Variants in CTNNA3 observed in about 807,000 individuals in gnomAD.
CTNNA3 encodes the protein catenin alpha 3, also known as catenin alpha-3.
In CTNNA3, 76 loss-of-function variants were observed where a neutral mutation model predicts 95.7. That is an observed-to-expected ratio of 0.79 (90% CI 0.66 to 0.96). CTNNA3 has a LOEUF of 0.96. Among genes scored for constraint, CTNNA3 ranks in the 40% least tolerant of loss-of-function variants. The probability of loss-of-function intolerance (pLI) is 0.00; values close to 1 mark genes in which losing one functional copy is unlikely to be tolerated. For synonymous variants in CTNNA3, 431 were observed against 374.4 expected (o/e 1.15, Z -1.74); for missense variants, 1,191 against 1,089.8 (o/e 1.09, Z -1.31).
At chr10:67,184,119 T>C (rs1166689721) in intron 6 of CTNNA3, among the ~76,000 whole-genome samples, 1 of 152,326 alleles carries the variant, frequency 6.6e-6, no homozygotes, top group Non-Finnish European at 1.5e-5. Flanking sequence ...TTCCTAAGCA[T>C]TTTTCTGCTA....
intron 13 of CTNNA3, among the ~76,000 whole-genome samples, chr10:66,189,617 T>TATATATATATATATATACAC (rs151078010): frequency 7.1e-5 from 10 of 140,362 alleles, no homozygotes; most frequent in African/African-American, 2.8e-4. Context: ...TATATATATA[T>TATATATATATATATATACAC]ACACACATAC....
At chr10:65,927,557 A>G (rs1160312337) in intron 17 of CTNNA3, among the ~76,000 whole-genome samples, 1 of 152,200 alleles carries the variant, frequency 6.6e-6, no homozygotes, top group East Asian at 1.9e-4. Context: ...ATTCTATGGT[A>G]TGTAATTTTT....
At chr10:66,148,699 C>T (rs2084025298) in intron 13 of CTNNA3, among the ~76,000 whole-genome samples, 1 of 141,710 alleles carries the variant, frequency 7.1e-6, no homozygotes, top group African/African-American at 2.7e-5. Context: ...ACTTCTCAGC[C>T]TCCAGGACTA....
intron 11 of CTNNA3, among the ~76,000 whole-genome samples, chr10:66,429,599 T>C (rs1299922191): frequency 6.6e-6 from 1 of 152,184 alleles, no homozygotes; most frequent in Non-Finnish European, 1.5e-5. Context: ...TGGTTCAACA[T>C]ACACAAATCA....
chr10:67,534,799 G>C (rs1258369756), intron 4 of CTNNA3, among the ~76,000 whole-genome samples: 1 of 152,126 alleles, frequency 6.6e-6, no homozygotes, highest in Non-Finnish European at 1.5e-5. Flanking sequence ...CTTGGAGACA[G>C]AGTTGACCCT....
chr10:67,326,135 G>A (rs1224143241), intron 5 of CTNNA3, among the ~76,000 whole-genome samples: 1 of 151,988 alleles, frequency 6.6e-6, no homozygotes, highest in Non-Finnish European at 1.5e-5. Flanking sequence ...CATGTGAGAT[G>A]GGTCTCTTGA....
intron 5 of CTNNA3, among the ~76,000 whole-genome samples, chr10:67,237,980 G>T (rs1029686182): frequency 6.6e-6 from 1 of 152,130 alleles, no homozygotes; most frequent in Non-Finnish European, 1.5e-5. Context: ...CAAATGGTAG[G>T]ATTTTGGTAT....
intron 12 of CTNNA3, among the ~76,000 whole-genome samples, chr10:66,343,842 A>G (rs551617859): frequency 2.6e-5 from 4 of 152,096 alleles, no homozygotes; most frequent in Non-Finnish European, 5.9e-5. Flanking sequence ...AAGTATGTGC[A>G]ATTATTATTT....
chr10:66,559,485 C>A (rs762735992), intron 10 of CTNNA3, among the ~76,000 whole-genome samples: 3 of 151,844 alleles, frequency 2.0e-5, no homozygotes, highest in Non-Finnish European at 2.9e-5. Context: ...CCTTTAGCAT[C>A]TAGTGAGCAG....
At chr10:67,489,027 C>T (rs983616671) in intron 5 of CTNNA3, among the ~76,000 whole-genome samples, 10 of 152,216 alleles carry the variant, frequency 6.6e-5, no homozygotes, top group Non-Finnish European at 1.2e-4. Context: ...TGAGCCACCA[C>T]GCCCAGATGG....
At chr10:66,889,893 C>T (rs543809300) in intron 7 of CTNNA3, among the ~76,000 whole-genome samples, 7 of 151,372 alleles carry the variant, frequency 4.6e-5, no homozygotes, top group South Asian at 2.1e-4. Flanking sequence ...GGGGTTCCAG[C>T]GATTCTCCTG....
intron 17 of CTNNA3, among the ~76,000 whole-genome samples, chr10:65,950,823 C>T (rs573506056): frequency 1.3e-5 from 2 of 152,230 alleles, no homozygotes; most frequent in South Asian, 4.1e-4. Context: ...ACAGTAGAGA[C>T]TCTCACATCA....
At chr10:66,592,835 T>C (rs1020384588) in intron 10 of CTNNA3, among the ~76,000 whole-genome samples, 2 of 152,228 alleles carry the variant, frequency 1.3e-5, no homozygotes, top group East Asian at 3.9e-4. Context: ...GGTAAATATA[T>C]TAGGCATATA....
At chr10:67,071,365 C>T (rs1344584971) in intron 7 of CTNNA3, among the ~76,000 whole-genome samples, 3 of 124,050 alleles carry the variant, frequency 2.4e-5, no homozygotes, top group East Asian at 2.3e-4. Flanking sequence ...GTCTTTGTTT[C>T]GATATTTTCA....
chr10:65,931,349 A>C (rs1314443650), intron 17 of CTNNA3, among the ~76,000 whole-genome samples: 4 of 152,212 alleles, frequency 2.6e-5, no homozygotes, highest in Non-Finnish European at 5.9e-5. Flanking sequence ...TAGGAACTAC[A>C]AACATTACAA....
chr10:66,535,567 A>G (rs1401428356), intron 10 of CTNNA3, among the ~76,000 whole-genome samples: 1 of 152,170 alleles, frequency 6.6e-6, no homozygotes, highest in Non-Finnish European at 1.5e-5. Context: ...TTGAAGAGCT[A>G]ATGTCATTCT....
intron 13 of CTNNA3, among the ~76,000 whole-genome samples, chr10:66,223,687 C>G (rs2089095704): frequency 6.6e-6 from 1 of 152,044 alleles, no homozygotes; most frequent in Non-Finnish European, 1.5e-5. Flanking sequence ...GTATACATGC[C>G]CAAGATCACC....
chr10:66,294,886 C>CAG (rs35664400), intron 12 of CTNNA3, among the ~76,000 whole-genome samples: 24,578 of 142,288 alleles, frequency 0.17, 2,131 homozygotes, highest in African/African-American at 0.22. Context: ...ACAGTCAGGA[C>CAG]AGAGAGAGAG....
chr10:67,729,075 T>C (rs1211250558), intron 1 of CTNNA3, among the ~76,000 whole-genome samples: 5 of 152,164 alleles, frequency 3.3e-5, no homozygotes, highest in African/African-American at 1.2e-4. Context: ...ACACTTTTAA[T>C]TTTTAAAATA....
Sources: gnomAD v4.1 joint callset for allele counts (sites outside exome capture counted in the v4.1 genomes callset) on GRCh38, gnomAD v4.1.1 for gene constraint, MANE v1.5 for transcripts, NCBI Gene and HGNC (gene_info 2026-07-23, HGNC 2026-07-21) for gene names.